Variants in KIAA1549L observed in about 807,000 individuals in gnomAD.
The protein encoded by KIAA1549L is UPF0606 protein KIAA1549L.
In KIAA1549L, 88 loss-of-function variants were observed where a neutral mutation model predicts 160.7. The observed-to-expected ratio is 0.55, with a 90% CI of 0.46 to 0.65. The LOEUF is 0.65. Ranked by LOEUF, KIAA1549L falls within the 30% of genes least tolerant of loss-of-function variation. The probability of loss-of-function intolerance (pLI) is 0.00; values close to 1 mark genes in which losing one functional copy is unlikely to be tolerated. For missense variants in KIAA1549L, 2,258 were observed against 2,437.5 expected, an observed-to-expected ratio of 0.93 and a Z score of 1.55; for synonymous variants, 950 against 976.7, an observed-to-expected ratio of 0.97 and a Z score of 0.51.
intron 1 of KIAA1549L, among the ~76,000 whole-genome samples, chr11:33,524,063 C>T (rs879358340): frequency 1.3e-5 from 2 of 152,008 alleles, no homozygotes; most frequent in Admixed American, 1.3e-4. Flanking sequence ...ATTGGAATTA[C>T]CTATTTAAAA....
intron 1 of KIAA1549L, among the ~76,000 whole-genome samples, chr11:33,386,212 TG>T (rs746931864): frequency 6.6e-6 from 1 of 152,232 alleles, no homozygotes; most frequent in East Asian, 1.9e-4. Flanking sequence ...GCTATAGTTT[TG>T]ATTTTGTTTC....
In KIAA1549L at chr11:33,599,014, C is replaced by G. The variant is rs1232003434; in HGVS notation, c.4879+67C>G. On this transcript the variant is annotated intron_variant, in intron 13 of 20. Coordinates refer to ENST00000658780, the MANE Select transcript of KIAA1549L (RefSeq NM_012194.3). ...ACGCGTGCCCGCACACACATGCGTG[C>G]ACACGTGTGCACAAACTCACACACA... 8 of 1,554,156 alleles carry G rather than the reference C, an allele frequency of 5.1e-6. No individual in the cohort carries two copies. In the Admixed American group the frequency reaches 1.4e-4, roughly 27 times the overall value.
At position 33,464,511 on chromosome 11, in the gene KIAA1549L, TGC is replaced by T. The variant is rs1554980348; in HGVS notation, c.239-77289_239-77288del. On this transcript the variant is annotated intron_variant, in intron 1 of 20. Transcript: ENST00000658780. Reference sequence around the variant, plus strand: ...GTGTGTGTGTGTGTGTGTGTGTGTGTGCGTGCGCGCATGCCCCCCCCCACACA... The same window carrying T: ...GTGTGTGTGTGTGTGTGTGTGTGTGTGTGCGCGCATGCCCCCCCCCACACA... 5.6e-3 allele frequency among the ~76,000 whole-genome samples: 779 copies of T among 139,540 alleles called. 6 individuals are homozygous for T. Among genetic ancestry groups the T allele is most frequent in the Non-Finnish European group, 8.0e-3 (511 of 63,854 alleles). The allele number at this position is 139,540 out of a possible 152,430, so 91.5% of individuals were successfully genotyped here. A position where few individuals can be genotyped will look rare whatever the true frequency, so the allele number is the denominator to read the frequency against.
At chr11:33,442,420 A>G (rs1458084201) in intron 1 of KIAA1549L, among the ~76,000 whole-genome samples, 1 of 152,124 alleles carries the variant, frequency 6.6e-6, no homozygotes, top group Non-Finnish European at 1.5e-5. Flanking sequence ...TTTTGGTTCC[A>G]TATGAACTTT....
chr11:33,535,197 A>ATGGTTCCTAGAGACACCAG (rs1853866082), intron 1 of KIAA1549L, among the ~76,000 whole-genome samples: 1 of 152,162 alleles, frequency 6.6e-6, no homozygotes, highest in East Asian at 1.9e-4. Flanking sequence ...GAGGCTGTTC[A>ATGGTTCCTAGAGACACCAG]TGGTTCCTAG....
At chr11:33,562,678 C>CTTTTTTTTT (rs35756207) in intron 8 of KIAA1549L, among the ~76,000 whole-genome samples, 94 of 134,002 alleles carry the variant, frequency 7.0e-4, no homozygotes, top group African/African-American at 2.5e-3. Context: ...TTCATTTCCT[C>CTTTTTTTTT]TTTTTTTTTT....
At chr11:33,524,264 T>TA (rs1191836189) in intron 1 of KIAA1549L, among the ~76,000 whole-genome samples, 1 of 152,150 alleles carries the variant, frequency 6.6e-6, no homozygotes, top group Non-Finnish European at 1.5e-5. Flanking sequence ...CGCTCATAAT[T>TA]ATTTTATTTT....
At position 33,507,809 on chromosome 11, in the gene KIAA1549L, G is replaced by C. The variant is rs77428795; in HGVS notation, c.239-33993G>C. Among the ~76,000 whole-genome samples the C allele has an allele frequency of 4.4e-3, 670 of 152,212 alleles. 10 individuals carry two copies. The highest frequency in any genetic ancestry group is 0.015 in the African/African-American group (637 of 41,520). On this transcript the variant is annotated intron_variant, in intron 1 of 20. Coordinates refer to ENST00000658780, the MANE Select transcript of KIAA1549L (RefSeq NM_012194.3). ...ATTACAAGCAAAATTGTATTATATT[G>C]ATATATGACTCTGTTAGGGTTCGAT... is the stretch of plus-strand genomic sequence containing the variant.
At chr11:33,419,958 C>G (rs986840333) in intron 1 of KIAA1549L, among the ~76,000 whole-genome samples, 3 of 151,688 alleles carry the variant, frequency 2.0e-5, no homozygotes, top group Non-Finnish European at 4.4e-5. Flanking sequence ...TTCAAAGAGA[C>G]CGTATTATAA....
chr11:33,526,379 C>A (rs1167043572), intron 1 of KIAA1549L, among the ~76,000 whole-genome samples: 2 of 152,230 alleles, frequency 1.3e-5, no homozygotes, highest in African/African-American at 4.8e-5. Flanking sequence ...GAAACCAGCA[C>A]ACTAAATGAA....
intron 1 of KIAA1549L, among the ~76,000 whole-genome samples, chr11:33,492,871 T>C (rs1300900774): frequency 5.3e-5 from 8 of 152,182 alleles, no homozygotes; most frequent in Admixed American, 4.6e-4. Flanking sequence ...AACTTTTTTT[T>C]CTGCTTTGTT....
At chr11:33,477,502 T>TGC (rs1554981501) in intron 1 of KIAA1549L, among the ~76,000 whole-genome samples, 59 of 140,118 alleles carry the variant, frequency 4.2e-4, no homozygotes, top group African/African-American at 1.6e-3. Context: ...GCCACGCAGG[T>TGC]GCACGCACAC....
At chr11:33,629,933 C>T (rs1221998223) in intron 16 of KIAA1549L, among the ~76,000 whole-genome samples, 1 of 150,060 alleles carries the variant, frequency 6.7e-6, no homozygotes, top group African/African-American at 2.5e-5. Flanking sequence ...TACTTTTGGT[C>T]TTTGATGATG....
intron 1 of KIAA1549L, among the ~76,000 whole-genome samples, chr11:33,406,677 C>T (rs1300542770): frequency 1.3e-5 from 2 of 152,244 alleles, no homozygotes; most frequent in African/African-American, 4.8e-5. Context: ...TCTTAAGGCC[C>T]CCTAGCCCTC....
chr11:33,428,572 T>C (rs1196600015), intron 1 of KIAA1549L, among the ~76,000 whole-genome samples: 3 of 152,128 alleles, frequency 2.0e-5, no homozygotes, highest in African/African-American at 7.2e-5. Context: ...GTCCTTGCGA[T>C]AGTTTGCTCA....
chr11:33,579,107 T>C (rs1005323601), intron 10 of KIAA1549L, among the ~76,000 whole-genome samples: 5 of 152,222 alleles, frequency 3.3e-5, no homozygotes, highest in African/African-American at 4.8e-5. Flanking sequence ...TTTCTAGTTA[T>C]GGAGCTTGGA....
At chr11:33,438,002 T>A (rs1851414778) in intron 1 of KIAA1549L, among the ~76,000 whole-genome samples, 1 of 152,186 alleles carries the variant, frequency 6.6e-6, no homozygotes, top group Non-Finnish European at 1.5e-5. Flanking sequence ...TCCAGCCCTG[T>A]CCAGACCACT....
At chr11:33,397,615 G>C (rs1850405613) in intron 1 of KIAA1549L, among the ~76,000 whole-genome samples, 1 of 151,788 alleles carries the variant, frequency 6.6e-6, no homozygotes, top group Non-Finnish European at 1.5e-5. Context: ...GGGAGGCTGA[G>C]GCAGGAGAAT....
intron 12 of KIAA1549L, among the ~76,000 whole-genome samples, chr11:33,598,340 C>T (rs187102617): frequency 5.3e-5 from 8 of 151,882 alleles, no homozygotes; most frequent in Admixed American, 3.9e-4. Context: ...AAGAGCAGCC[C>T]GAAAACTGAA....
Sources: gnomAD v4.1 joint callset for allele counts (sites outside exome capture counted in the v4.1 genomes callset) on GRCh38, gnomAD v4.1.1 for gene constraint, MANE v1.5 for transcripts, NCBI Gene and HGNC (gene_info 2026-07-23, HGNC 2026-07-21) for gene names.